Variants in TRANK1 observed in about 807,000 individuals in gnomAD.
The protein encoded by TRANK1 is TPR and ankyrin repeat-containing protein 1.
In TRANK1, 198 loss-of-function variants were observed where a neutral mutation model predicts 266.0. That is an observed-to-expected ratio of 0.74 (90% CI 0.66 to 0.84). TRANK1 has a LOEUF of 0.84. Ranked by LOEUF, TRANK1 falls within the 40% of genes least tolerant of loss-of-function variation. The probability of loss-of-function intolerance (pLI) is 0.00; values close to 1 mark genes in which losing one functional copy is unlikely to be tolerated. For missense variants in TRANK1, 3,326 were observed against 3,634.6 expected (o/e 0.92, Z 2.18); for synonymous variants, 1,396 against 1,384.1 (o/e 1.01, Z -0.19).
In TRANK1 at chr3:36,855,840, C is replaced by T; in HGVS notation, c.3882G>A (p.Glu1294=). Residue 1294 remains glutamate (E), a synonymous_variant, in exon 13 of 24, where the codon GAG becomes GAA. Transcript: ENST00000645898. Reference sequence around the variant, plus strand: ...CACTGTAGTCCCCATCCACCTCAGCCTCCTCTTCATCCTCTTGCCAACTAG... The same window carrying T: ...CACTGTAGTCCCCATCCACCTCAGCTTCCTCTTCATCCTCTTGCCAACTAG... The part of the protein sequence containing the change: ...TIPSWQEDEE[E]AEVDGDYSEE... 1 of 1,613,678 alleles carries T rather than the reference C, an allele frequency of 6.2e-7. No individual in the cohort carries two copies. The highest frequency in any genetic ancestry group is 8.5e-7 in the Non-Finnish European group (1 of 1,179,836).
Position 36,856,181 on chromosome 3 carries a change from G to A in TRANK1, c.3541C>T (p.Pro1181Ser). Residue 1181 changes from proline (P) to serine (S), a missense_variant, in exon 13 of 24, where the codon CCA becomes TCA. By Grantham distance (74) the Pro-to-Ser change is moderately conservative (BLOSUM62 -1). Transcript: ENST00000645898. Reference protein sequence around the residue: ...GDGQAAEVCAPEHPHQLEHLH... With the variant: ...GDGQAAEVCASEHPHQLEHLH... ...TGCTCCAGCTGGTGGGGATGTTCTGGTGCACATACTTCTGCAGCTTGGCCG... is the reference window on the plus strand; with the variant it reads ...TGCTCCAGCTGGTGGGGATGTTCTGATGCACATACTTCTGCAGCTTGGCCG... The A allele has an allele frequency of 1.9e-6, 3 of 1,613,910 alleles. No individual in the cohort carries two copies. The highest frequency in any genetic ancestry group is 1.1e-5 in the South Asian group (1 of 91,078).
chr3:36,916,794 GT>G (rs957252670), intron 1 of TRANK1, among the ~76,000 whole-genome samples: 5 of 150,210 alleles, frequency 3.3e-5, no homozygotes, highest in Middle Eastern at 3.2e-3. Flanking sequence ...AAATGTATGG[GT>G]TTTTTTTGTT....
At position 36,916,046 on chromosome 3, in the gene TRANK1, A is replaced by C. The variant is rs575177721; in HGVS notation, c.24-7592T>G. Reference sequence around the variant, plus strand: ...TGCAACTGGGAAAGCAGCATTGTCTATGACAACTTTCTGTGATAATGCAAA... The same window carrying C: ...TGCAACTGGGAAAGCAGCATTGTCTCTGACAACTTTCTGTGATAATGCAAA... On this transcript the variant is annotated intron_variant, in intron 1 of 23. Transcript: ENST00000645898. 4.6e-5 allele frequency among the ~76,000 whole-genome samples: 7 copies of C among 152,340 alleles called. No homozygotes were observed. The East Asian group carries it at 1.3e-3, about 29-fold the overall frequency.
chr3:36,911,681 G>A (rs751761215), intron 1 of TRANK1, among the ~76,000 whole-genome samples: 7 of 151,944 alleles, frequency 4.6e-5, no homozygotes, highest in Non-Finnish European at 8.8e-5. Flanking sequence ...CTCATTACAC[G>A]GAAGAATGCT....
chr3:36,904,811 A>C (rs1458182108), intron 2 of TRANK1, among the ~76,000 whole-genome samples: 1 of 152,126 alleles, frequency 6.6e-6, no homozygotes, highest in Non-Finnish European at 1.5e-5. Context: ...CATGGTGTCC[A>C]TCCCAGACAC....
At chr3:36,872,344 A>G (rs1480232315) in intron 9 of TRANK1, among the ~76,000 whole-genome samples, 1 of 152,146 alleles carries the variant, frequency 6.6e-6, no homozygotes, top group African/African-American at 2.4e-5. Context: ...GGAGGTTGCA[A>G]TGAGCTGAGA....
chr3:36,914,268 G>A (rs2080094501), intron 1 of TRANK1, among the ~76,000 whole-genome samples: 1 of 151,682 alleles, frequency 6.6e-6, no homozygotes, highest in African/African-American at 2.4e-5. Flanking sequence ...TAAGTAGCTG[G>A]GATTACAGGC....
chr3:36,872,026 A>G (rs1035881327), intron 9 of TRANK1, among the ~76,000 whole-genome samples: 7 of 152,248 alleles, frequency 4.6e-5, no homozygotes, highest in Admixed American at 6.5e-5. Flanking sequence ...GTATTAATCA[A>G]TCTAGTCCTT....
chr3:36,944,464 T>A (rs1440747354), intron 1 of TRANK1, among the ~76,000 whole-genome samples: 1 of 152,072 alleles, frequency 6.6e-6, no homozygotes, highest in Non-Finnish European at 1.5e-5. Context: ...CGGGAACCCC[T>A]GAGGATGCGG....
chr3:36,887,254 G>C (rs974354234), intron 8 of TRANK1, among the ~76,000 whole-genome samples: 28 of 152,180 alleles, frequency 1.8e-4, no homozygotes, highest in African/African-American at 6.0e-4. Flanking sequence ...CTAAGACCCA[G>C]TTCATATCAG....
rs1026132270 is a variant in TRANK1, at chr3:36,892,319, A to G, written c.658T>C (p.Tyr220His). 6.5e-7 allele frequency: 1 copy of G among 1,537,230 alleles called. No homozygotes were observed. The highest frequency in any genetic ancestry group is 2.4e-5 in the East Asian group (1 of 40,916). The change falls in exon 7 of 24, where the codon TAT becomes CAT. Residue 220 changes from tyrosine to histidine, a missense_variant. Coordinates refer to ENST00000645898, the MANE Select transcript of TRANK1 (RefSeq NM_001329998.2). ...LFEKYVFIGL[Y>H]EKMEQVPKLV... Reference sequence around the variant, plus strand: ...TTGGGCACTTGTTCCATCTTCTCATAAAGTCCAATGAAAACGTATTTCTGG... The same window carrying G: ...TTGGGCACTTGTTCCATCTTCTCATGAAGTCCAATGAAAACGTATTTCTGG...
chr3:36,868,917 G>C (rs1022007217), intron 9 of TRANK1, among the ~76,000 whole-genome samples: 1 of 152,196 alleles, frequency 6.6e-6, no homozygotes, highest in Non-Finnish European at 1.5e-5. Context: ...ACTCGAAAAG[G>C]CCAAGAACTA....
At chr3:36,867,206 A>G (rs909221156) in intron 9 of TRANK1, among the ~76,000 whole-genome samples, 3 of 152,180 alleles carry the variant, frequency 2.0e-5, no homozygotes, top group Non-Finnish European at 4.4e-5. Context: ...ACAAAAAAAA[A>G]AATAGGACCT....
chr3:36,912,539 GTC>G (rs2080066491), intron 1 of TRANK1, among the ~76,000 whole-genome samples: 1 of 152,216 alleles, frequency 6.6e-6, no homozygotes, highest in Admixed American at 6.5e-5. Flanking sequence ...TTTTCACTAT[GTC>G]TCTATGAGAA....
chr3:36,896,546 G>A (rs1016758128), intron 4 of TRANK1, among the ~76,000 whole-genome samples: 1 of 152,136 alleles, frequency 6.6e-6, no homozygotes, highest in Non-Finnish European at 1.5e-5. Context: ...GTAAAGTATT[G>A]GCTGCATCAT....
At chr3:36,841,201 G>T (rs1240277946) in intron 18 of TRANK1, among the ~76,000 whole-genome samples, 4 of 152,188 alleles carry the variant, frequency 2.6e-5, no homozygotes, top group Admixed American at 1.3e-4. Context: ...AGAGAAGCAG[G>T]ACAAGCCCTC....
At chr3:36,908,569 T>A in intron 1 of TRANK1, 115 bp from the exon 2 acceptor site, 1 of 1,231,008 alleles carries the variant, frequency 8.1e-7, no homozygotes, top group Non-Finnish European at 1.0e-6. Context: ...CCCACCCACC[T>A]TCAAAGGGCA....
intron 2 of TRANK1, among the ~76,000 whole-genome samples, chr3:36,905,509 G>C (rs988818782): frequency 2.0e-5 from 3 of 152,124 alleles, no homozygotes; most frequent in Non-Finnish European, 4.4e-5. Flanking sequence ...GCCCTCACAG[G>C]GGGCAGCTTG....
At chr3:36,847,475 T>G in intron 15 of TRANK1, 129 bp from the exon 16 acceptor site, 1 of 922,660 alleles carries the variant, frequency 1.1e-6, no homozygotes, top group Non-Finnish European at 1.6e-6. Flanking sequence ...TTGAGAAAGA[T>G]CCATCCTGTG....
Sources: gnomAD v4.1 joint callset for allele counts (sites outside exome capture counted in the v4.1 genomes callset) on GRCh38, gnomAD v4.1.1 for gene constraint, MANE v1.5 for transcripts, NCBI Gene and HGNC (gene_info 2026-07-23, HGNC 2026-07-21) for gene names.